Variants in TENM3 observed in about 807,000 individuals in gnomAD.
The protein encoded by TENM3 is teneurin transmembrane protein 3.
TENM3 carries 63 observed loss-of-function variants against 255.1 expected under a neutral mutation model. That is an observed-to-expected ratio of 0.25 (90% CI 0.20 to 0.30). The LOEUF is 0.30. Among genes scored for constraint, TENM3 ranks in the 10% least tolerant of loss-of-function variants. TENM3 has a pLI of 1.00. For missense variants in TENM3, 2,929 were observed against 3,461.1 expected (o/e 0.85, Z 3.86); for synonymous variants, 1,306 against 1,322.3 (o/e 0.99, Z 0.27).
the TENM3 span, among the ~76,000 whole-genome samples, chr4:181,627,816 T>G: frequency 6.6e-6 from 1 of 152,222 alleles, no homozygotes; most frequent in Non-Finnish European, 1.5e-5. Flanking sequence ...TGTGCCATTA[T>G]GGCAGCATGA....
the TENM3 span, among the ~76,000 whole-genome samples, chr4:181,723,403 CCT>C: frequency 1.3e-5 from 2 of 151,016 alleles, no homozygotes; most frequent in Non-Finnish European, 2.9e-5. Flanking sequence ...GATTTTTCTT[CCT>C]CTTTTTGGTA....
chr4:181,500,403 G>T, the TENM3 span, among the ~76,000 whole-genome samples: 2 of 152,018 alleles, frequency 1.3e-5, no homozygotes, highest in African/African-American at 4.8e-5. Flanking sequence ...GGGTGGGGGA[G>T]GCTGGACACA....
chr4:181,791,995 C>A, the TENM3 span, among the ~76,000 whole-genome samples: 1 of 152,182 alleles, frequency 6.6e-6, no homozygotes, highest in Non-Finnish European at 1.5e-5. Flanking sequence ...TCTCTAATTT[C>A]TTTGATGGAT....
At chr4:181,497,537 T>A in the TENM3 span, among the ~76,000 whole-genome samples, 1 of 152,172 alleles carries the variant, frequency 6.6e-6, no homozygotes, top group African/African-American at 2.4e-5. Context: ...TAAATCTTAT[T>A]GTAATGCCTG....
the TENM3 span, among the ~76,000 whole-genome samples, chr4:182,041,997 A>G: frequency 6.6e-6 from 1 of 152,296 alleles, no homozygotes; most frequent in South Asian, 2.1e-4. Context: ...AAAGTAAAGA[A>G]TCTCTGCATT....
At chr4:182,375,788 C>T (rs1199879951) in intron 3 of TENM3, among the ~76,000 whole-genome samples, 1 of 152,172 alleles carries the variant, frequency 6.6e-6, no homozygotes, top group Non-Finnish European at 1.5e-5. Context: ...AGGTGATCCA[C>T]CTGCCTCAGC....
At chr4:181,636,595 T>A in the TENM3 span, among the ~76,000 whole-genome samples, 2 of 152,128 alleles carry the variant, frequency 1.3e-5, no homozygotes, top group African/African-American at 2.4e-5. Flanking sequence ...AGCCAATCCA[T>A]CAGCAGTTAC....
the TENM3 span, among the ~76,000 whole-genome samples, chr4:181,745,600 T>C: frequency 6.6e-6 from 1 of 152,036 alleles, no homozygotes; most frequent in South Asian, 2.1e-4. Context: ...GCAAAGTAAT[T>C]GCCATAAGTA....
the TENM3 span, among the ~76,000 whole-genome samples, chr4:182,024,510 T>G: frequency 6.6e-6 from 1 of 152,208 alleles, no homozygotes; most frequent in African/African-American, 2.4e-5. Context: ...ATACTCAGTC[T>G]TCTTTCAAAA....
the TENM3 span, among the ~76,000 whole-genome samples, chr4:182,079,470 T>G: frequency 1.3e-5 from 2 of 151,788 alleles, no homozygotes; most frequent in Non-Finnish European, 2.9e-5. Flanking sequence ...GAGCTGAGAT[T>G]GTGCCACTGC....
the TENM3 span, among the ~76,000 whole-genome samples, chr4:181,498,088 G>A: frequency 2.6e-5 from 4 of 152,072 alleles, no homozygotes; most frequent in East Asian, 1.9e-4. Flanking sequence ...AACTGTGACA[G>A]GCAATTAATT....
the TENM3 span, among the ~76,000 whole-genome samples, chr4:181,633,644 A>G: frequency 6.6e-6 from 1 of 152,204 alleles, no homozygotes; most frequent in Non-Finnish European, 1.5e-5. Flanking sequence ...GGTTATGACT[A>G]CTTGGAGATA....
chr4:181,938,102 T>C, the TENM3 span, among the ~76,000 whole-genome samples: 1 of 152,214 alleles, frequency 6.6e-6, no homozygotes, highest in South Asian at 2.1e-4. Context: ...TAGATCTTAA[T>C]GTGGAACTAA....
At chr4:181,870,952 G>A in the TENM3 span, among the ~76,000 whole-genome samples, 1 of 152,006 alleles carries the variant, frequency 6.6e-6, no homozygotes, top group East Asian at 1.9e-4. Flanking sequence ...TTTATGCATA[G>A]TGTGAAGTAG....
the TENM3 span, among the ~76,000 whole-genome samples, chr4:181,605,584 G>GAAAGAAAAGAAAGAAA: frequency 1.7e-4 from 12 of 69,192 alleles, no homozygotes; most frequent in African/African-American, 6.9e-4. Flanking sequence ...GAGAAAGAAA[G>GAAAGAAAAGAAAGAAA]GAAAGAAAGA....
the TENM3 span, among the ~76,000 whole-genome samples, chr4:181,837,646 C>T: frequency 6.6e-6 from 1 of 152,140 alleles, no homozygotes; most frequent in South Asian, 2.1e-4. Flanking sequence ...ATGGACAAAC[C>T]ACCTTGATAC....
intron 1 of TENM3, among the ~76,000 whole-genome samples, chr4:182,289,483 G>A (rs958941850): frequency 2.0e-5 from 3 of 152,200 alleles, no homozygotes; most frequent in African/African-American, 7.2e-5. Context: ...ACTTGTCGCA[G>A]TTGTCCTGTA....
chr4:182,661,943 A>G (rs1754263174), intron 6 of TENM3, among the ~76,000 whole-genome samples: 1 of 152,208 alleles, frequency 6.6e-6, no homozygotes, highest in African/African-American at 2.4e-5. Context: ...TATGGCAGAA[A>G]ACTTAGCATT....
At chr4:182,029,015 A>T in the TENM3 span, among the ~76,000 whole-genome samples, 2 of 152,146 alleles carry the variant, frequency 1.3e-5, no homozygotes, top group South Asian at 4.1e-4. Flanking sequence ...GTTGCTGAAT[A>T]AATAATACCT....
Sources: gnomAD v4.1 joint callset for allele counts (sites outside exome capture counted in the v4.1 genomes callset) on GRCh38, gnomAD v4.1.1 for gene constraint, MANE v1.5 for transcripts, NCBI Gene and HGNC (gene_info 2026-07-23, HGNC 2026-07-21) for gene names.